Variants in R3HDM2 observed in about 807,000 individuals in gnomAD.
R3HDM2 encodes R3H domain-containing protein 2.
R3HDM2 carries 38 observed loss-of-function variants against 124.5 expected under a neutral mutation model. The ratio of observed to expected loss-of-function variants is 0.31; its 90% CI spans 0.24 to 0.40. R3HDM2 has a LOEUF of 0.40. Ranked by LOEUF, R3HDM2 falls within the 10% of genes least tolerant of loss-of-function variation. The pLI is 1.00. For synonymous variants in R3HDM2, 391 were observed against 448.0 expected (o/e 0.87, Z 1.61); for missense variants, 869 against 1,236.9 (o/e 0.70, Z 4.46).
chr12:57,407,830 T>C (rs972573387), intron 1 of R3HDM2, among the ~76,000 whole-genome samples: 14 of 152,162 alleles, frequency 9.2e-5, no homozygotes, highest in African/African-American at 3.1e-4. Context: ...AGTTGTAAAA[T>C]CACGGCTCAC....
At chr12:57,426,919 C>A (rs1338032672) in intron 1 of R3HDM2, among the ~76,000 whole-genome samples, 1 of 152,208 alleles carries the variant, frequency 6.6e-6, no homozygotes, top group Non-Finnish European at 1.5e-5. Context: ...CTCCTCCTTA[C>A]CTACTCAGTC....
intron 2 of R3HDM2, among the ~76,000 whole-genome samples, chr12:57,335,366 C>T (rs2058718764): frequency 6.6e-6 from 1 of 151,800 alleles, no homozygotes; most frequent in African/African-American, 2.4e-5. Flanking sequence ...TGCCACCACA[C>T]CTGGCTAATT....
intron 2 of R3HDM2, among the ~76,000 whole-genome samples, chr12:57,355,918 T>C (rs961182506): frequency 4.6e-5 from 7 of 152,236 alleles, no homozygotes; most frequent in Non-Finnish European, 7.3e-5. Context: ...AATGGGCTTT[T>C]ATATATTGAC....
intron 2 of R3HDM2, among the ~76,000 whole-genome samples, chr12:57,361,106 T>C (rs1365132591): frequency 1.4e-5 from 2 of 147,190 alleles, no homozygotes; most frequent in African/African-American, 2.5e-5. Flanking sequence ...TTTCTTACAG[T>C]GGCTCACACC....
chr12:57,256,538 T>C, intron 21 of R3HDM2, 27 bp from the exon 22 acceptor site: 1 of 1,505,124 alleles, frequency 6.6e-7, no homozygotes, highest in South Asian at 1.2e-5. Context: ...ATTGGTTTTC[T>C]GGGAGCTTAA....
intron 2 of R3HDM2, among the ~76,000 whole-genome samples, chr12:57,327,580 T>C (rs2136470040): frequency 6.6e-6 from 1 of 152,324 alleles, no homozygotes; most frequent in East Asian, 1.9e-4. Flanking sequence ...TTCACTATTC[T>C]AGGTGCCATT....
At chr12:57,265,830 T>C (rs2042238130) in intron 19 of R3HDM2, among the ~76,000 whole-genome samples, 1 of 151,118 alleles carries the variant, frequency 6.6e-6, no homozygotes, top group African/African-American at 2.4e-5. Flanking sequence ...GGAGTCTCGC[T>C]TTGTCGCCCA....
chr12:57,429,361 ACAG>A (rs1041729066), intron 1 of R3HDM2, among the ~76,000 whole-genome samples: 16 of 152,258 alleles, frequency 1.1e-4, no homozygotes. Flanking sequence ...TCTCTGGAGA[ACAG>A]CAACAGGGTA....
chr12:57,324,157 A>C (rs1464746035), intron 2 of R3HDM2, among the ~76,000 whole-genome samples: 1 of 152,208 alleles, frequency 6.6e-6, no homozygotes, highest in Non-Finnish European at 1.5e-5. Flanking sequence ...TAGAAAGGAC[A>C]CATCAGACAA....
At chr12:57,362,310 A>T (rs2062053938) in intron 2 of R3HDM2, among the ~76,000 whole-genome samples, 4 of 152,168 alleles carry the variant, frequency 2.6e-5, no homozygotes, top group Admixed American at 2.0e-4. Flanking sequence ...TTTTACGATG[A>T]TCCACTTTCA....
At chr12:57,373,499 A>G (rs1429022172) in intron 2 of R3HDM2, among the ~76,000 whole-genome samples, 1 of 151,646 alleles carries the variant, frequency 6.6e-6, no homozygotes, top group Admixed American at 6.6e-5. Flanking sequence ...ACTCCGTCTC[A>G]CAAAAAAAAA....
chr12:57,347,655 C>T (rs1399123902), intron 2 of R3HDM2, among the ~76,000 whole-genome samples: 1 of 152,122 alleles, frequency 6.6e-6, no homozygotes, highest in South Asian at 2.1e-4. Context: ...ATGCTGTCTA[C>T]AAGGAAAAGA....
intron 1 of R3HDM2, among the ~76,000 whole-genome samples, chr12:57,402,316 A>G (rs1261700714): frequency 6.6e-6 from 1 of 151,966 alleles, no homozygotes; most frequent in South Asian, 2.1e-4. Context: ...AAGTGCATAC[A>G]TATCCCACAA....
At chr12:57,315,308 T>C (rs2054788952) in intron 2 of R3HDM2, among the ~76,000 whole-genome samples, 1 of 152,102 alleles carries the variant, frequency 6.6e-6, no homozygotes, top group South Asian at 2.1e-4. Flanking sequence ...CCCAAAGTGC[T>C]GGGATTATAG....
At chr12:57,398,389 C>G (rs901071518) in intron 1 of R3HDM2, among the ~76,000 whole-genome samples, 1 of 152,018 alleles carries the variant, frequency 6.6e-6, no homozygotes, top group Non-Finnish European at 1.5e-5. Context: ...GTGTTTAAAA[C>G]TTATTTGTAT....
At chr12:57,301,075 ACCTGGGCAACAGAGTGAGACCCTATCTC>A (rs2051024687) in intron 4 of R3HDM2, among the ~76,000 whole-genome samples, 1 of 151,934 alleles carries the variant, frequency 6.6e-6, no homozygotes, top group Non-Finnish European at 1.5e-5. Context: ...CTGTACTCCA[ACCTGGGCAACAGAGTGAGACCCTATCTC>A]AAAAAACCAA....
chr12:57,299,965 T>G (rs1332276201), intron 5 of R3HDM2, 130 bp downstream of exon 5: 2 of 741,954 alleles, frequency 2.7e-6, no homozygotes, highest in Non-Finnish European at 4.6e-6. Context: ...CCTGTTTTAC[T>G]ACAACAGCTT....
At chr12:57,350,754 A>G (rs2060595364) in intron 2 of R3HDM2, among the ~76,000 whole-genome samples, 1 of 152,242 alleles carries the variant, frequency 6.6e-6, no homozygotes, top group Admixed American at 6.5e-5. Context: ...CAGGAGTTCA[A>G]GACCAGCCTG....
chr12:57,258,846 T>A, intron 20 of R3HDM2, 44 bp downstream of exon 20: 1 of 1,445,114 alleles, frequency 6.9e-7, no homozygotes, highest in Non-Finnish European at 9.2e-7. Context: ...CCGGGAAGAA[T>A]ACGGTCATCT....
Sources: gnomAD v4.1 joint callset for allele counts (sites outside exome capture counted in the v4.1 genomes callset) on GRCh38, gnomAD v4.1.1 for gene constraint, MANE v1.5 for transcripts, NCBI Gene and HGNC (gene_info 2026-07-23, HGNC 2026-07-21) for gene names.